The following CIAO1 variants were observed in gnomAD, a reference collection of about 807,000 sequenced individuals.
The protein encoded by CIAO1 is cytosolic iron-sulfur assembly component 1.
Under a neutral mutation model 43.1 loss-of-function variants are expected in CIAO1, and 32 were observed. The observed-to-expected ratio is 0.74, with a 90% CI of 0.56 to 1.00. CIAO1 has a LOEUF of 1.00. Among genes scored for constraint, CIAO1 ranks in the 50% least tolerant of loss-of-function variants. The probability of loss-of-function intolerance (pLI) is 0.00; values close to 1 mark genes in which losing one functional copy is unlikely to be tolerated. For synonymous variants in CIAO1, 183 were observed against 171.4 expected (o/e 1.07, Z -0.53); for missense variants, 415 against 437.4 (o/e 0.95, Z 0.46).
In CIAO1 at chr2:96,272,433, CTG is replaced by C. The variant is rs1045022698; in HGVS notation, c.*1085_*1086del. 1 of 152,252 alleles carries C rather than the reference CTG, an allele frequency of 6.6e-6. No homozygotes were observed. Among genetic ancestry groups the C allele is most frequent in the African/African-American group, 2.4e-5 (1 of 41,462 alleles). 9.4% of individuals were successfully genotyped at this position (152,252 alleles called of 1,614,324 possible). On this transcript the variant is annotated 3_prime_UTR_variant, in exon 7 of 7. Transcript: ENST00000488633. The stretch of plus-strand genomic sequence containing the variant: ...GGATCTGTGAGGTCAACTGTTGGCA[CTG>C]TGGCATGAATCAAGGTGGTGGCAGC...
intron 6 of CIAO1, among the ~76,000 whole-genome samples, chr2:96,270,152 T>G (rs568773233): frequency 5.4e-4 from 82 of 152,348 alleles, no homozygotes; most frequent in African/African-American, 1.9e-3. Flanking sequence ...AAAGTGAACT[T>G]AAGTAAATTA....
chr2:96,267,737 G>T lies in CIAO1; in HGVS notation c.400+1G>T. On this transcript the variant is annotated splice_donor_variant, in intron 3 of 6. Transcript: ENST00000488633. LOFTEE classifies it high-confidence loss of function. ...GATAAGAGCGTTTGGGTCTGGGAAG[G>T]TGAGGCCAGGTCCCTCCAGGTGGAT... 6.2e-7 allele frequency: 1 copy of T among 1,614,064 alleles called. No individual in the cohort carries two copies. The highest frequency in any genetic ancestry group is 8.5e-7 in the Non-Finnish European group (1 of 1,179,920).
chr2:96,267,221 G>A (rs1489917582), intron 1 of CIAO1, 100 bp from the exon 2 acceptor site: 1 of 1,248,402 alleles, frequency 8.0e-7, no homozygotes, highest in Non-Finnish European at 1.1e-6. Flanking sequence ...CACTCCCTGA[G>A]CTTTCCCCCA....
In CIAO1 at chr2:96,269,370, C is replaced by T; in HGVS notation, c.779+15C>T. 1.2e-6 allele frequency: 2 copies of T among 1,605,344 alleles called. No homozygotes were observed. Among genetic ancestry groups the T allele is most frequent in the Non-Finnish European group, 1.7e-6 (2 of 1,172,024 alleles). On this transcript the variant is annotated intron_variant, in intron 6 of 6. Coordinates refer to ENST00000488633, the MANE Select transcript of CIAO1 (RefSeq NM_004804.3). Reference sequence around the variant, plus strand: ...GACATTGCTTGGTAAGACTCCATCCCCCCACCCCATCCCATCCCCATAAAT... The same window carrying T: ...GACATTGCTTGGTAAGACTCCATCCTCCCACCCCATCCCATCCCCATAAAT...
Position 96,267,384 on chromosome 2 carries a change from C to T in CIAO1, c.203C>T (p.Ala68Val). 6.2e-7 allele frequency: 1 copy of T among 1,614,178 alleles called. No individual in the cohort carries two copies. The highest frequency in any genetic ancestry group is 8.5e-7 in the Non-Finnish European group (1 of 1,180,020). Residue 68 changes from alanine (A) to valine (V), a missense_variant, in exon 2 of 7, where the codon GCC (alanine) becomes GTC (valine). Coordinates refer to ENST00000488633, the MANE Select transcript of CIAO1 (RefSeq NM_004804.3). ...EGHQRTVRKV[A>V]WSPCGNYLAS... The stretch of plus-strand genomic sequence containing the variant: ...CACCAGCGCACCGTGCGGAAGGTAG[C>T]CTGGTCCCCCTGCGGTAATTACCTG...
intron 1 of CIAO1, 26 bp from the exon 2 acceptor site, chr2:96,267,295 G>A (rs1220304719): frequency 6.3e-7 from 1 of 1,599,154 alleles, no homozygotes; most frequent in Non-Finnish European, 8.5e-7. Context: ...CCCAGCTCCA[G>A]AGCCTGGCCT....
rs1684575331 is a variant in CIAO1, at chr2:96,272,641, TCTCTTCTAAAAATACAAAATTAG to T, written c.*1293_*1315del. The stretch of plus-strand genomic sequence containing the variant: ...GCCTGACCAACATGGAGAAACCCCG[TCTCTTCTAAAAATACAAAATTAG>T]CTGGGCATGGTGGTGCATGCCTGTA... On this transcript the variant is annotated 3_prime_UTR_variant, in exon 7 of 7. Coordinates refer to ENST00000488633, the MANE Select transcript of CIAO1 (RefSeq NM_004804.3). 6.6e-6 allele frequency: 1 copy of T among 151,992 alleles called. No homozygotes were observed. Among genetic ancestry groups the T allele is most frequent in the East Asian group, 1.9e-4 (1 of 5,180 alleles). 9.4% of individuals were successfully genotyped at this position (151,992 alleles called of 1,614,324 possible).
rs74673660 is a variant in CIAO1, at chr2:96,270,169, A to G, written c.779+814A>G. On this transcript the variant is annotated intron_variant, in intron 6 of 6. Transcript: ENST00000488633. ...AGTGAACTTAAGTAAATTATGGTAG[A>G]ACTCAGCTTGTTGTATCACTGTTTA... is the stretch of plus-strand genomic sequence containing the variant. Among the ~76,000 whole-genome samples, 26 of 152,342 alleles carry G rather than the reference A, an allele frequency of 1.7e-4. No homozygotes were observed. In the East Asian group the frequency reaches 5.0e-3, roughly 29 times the overall value.
chr2:96,268,337 A>G, intron 4 of CIAO1, 120 bp from the exon 5 acceptor site: 2 of 881,760 alleles, frequency 2.3e-6, no homozygotes, highest in South Asian at 1.6e-5. Context: ...GGGCAACAAC[A>G]GCAAACTTCA....
chr2:96,272,128 T>C lies in CIAO1; in HGVS notation c.*777T>C, dbSNP rs752979745. ...GTGTGTCTGTGATATTCCATTTTCATGGCAGGGAGTGATCAGGAAGAAGGC... is the reference window on the plus strand; with the variant it reads ...GTGTGTCTGTGATATTCCATTTTCACGGCAGGGAGTGATCAGGAAGAAGGC... On this transcript the variant is annotated 3_prime_UTR_variant, in exon 7 of 7. Coordinates refer to ENST00000488633, the MANE Select transcript of CIAO1 (RefSeq NM_004804.3). The C allele has an allele frequency of 6.6e-6, 1 of 152,190 alleles. No homozygotes were observed. Among genetic ancestry groups the C allele is most frequent in the Non-Finnish European group, 1.5e-5 (1 of 68,024 alleles). 9.4% of individuals were successfully genotyped at this position (152,190 alleles called of 1,614,324 possible). A position where few individuals can be genotyped will look rare whatever the true frequency, so the allele number is the denominator to read the frequency against.
rs1455643378 is a variant in CIAO1 at position 96,272,109 on chromosome 2, C to T, written c.*758C>T. On this transcript the variant is annotated 3_prime_UTR_variant, in exon 7 of 7. Coordinates refer to ENST00000488633, the MANE Select transcript of CIAO1 (RefSeq NM_004804.3). ...AAGGCCCACAGCACATATAGTGTGT[C>T]TGTGATATTCCATTTTCATGGCAGG... is the stretch of plus-strand genomic sequence containing the variant. The T allele has an allele frequency of 6.6e-6, 1 of 152,090 alleles. No homozygotes were observed. Among genetic ancestry groups the T allele is most frequent in the Admixed American group, 6.5e-5 (1 of 15,274 alleles). The allele number at this position is 152,090 out of a possible 1,614,324, so 9.4% of individuals were successfully genotyped here.
At chr2:96,269,870 C>A (rs997452656) in intron 6 of CIAO1, among the ~76,000 whole-genome samples, 2 of 152,074 alleles carry the variant, frequency 1.3e-5, no homozygotes, top group African/African-American at 2.4e-5. Context: ...TGGTCTCGAT[C>A]TCCTGACCTC....
In CIAO1 at chr2:96,266,385, C is replaced by T. The variant is rs974017610; in HGVS notation, c.35C>T (p.Pro12Leu). 3 of 1,514,796 alleles carry T rather than the reference C, an allele frequency of 2.0e-6. No homozygotes were observed. The highest frequency in any genetic ancestry group is 2.7e-6 in the Non-Finnish European group (3 of 1,123,960). 93.8% of individuals were successfully genotyped at this position (1,514,796 alleles called of 1,614,324 possible). ...KDSLVLLGRV[P>L]AHPDSRCWFL... The stretch of plus-strand genomic sequence containing the variant: ...TCGCTGGTGCTGCTGGGCCGTGTCC[C>T]GGCGCACCCGGACTCCCGCTGCTGG... Residue 12 changes from proline (P) to leucine (L), a missense_variant, in exon 1 of 7, where the codon CCG (proline) becomes CTG (leucine). Coordinates refer to ENST00000488633, the MANE Select transcript of CIAO1 (RefSeq NM_004804.3).
chr2:96,270,383 A>AG (rs1684525297), intron 6 of CIAO1, among the ~76,000 whole-genome samples: 2 of 152,090 alleles, frequency 1.3e-5, no homozygotes, highest in Non-Finnish European at 1.5e-5. Context: ...CACGCACCCA[A>AG]TCCCAGCTAC....
Position 96,266,356 on chromosome 2 carries a change from G to A in CIAO1, c.6G>A (p.Lys2=). 8 of 1,457,374 alleles carry A rather than the reference G, an allele frequency of 5.5e-6. No individual in the cohort carries two copies. Among genetic ancestry groups the A allele is most frequent in the Non-Finnish European group, 7.3e-6 (8 of 1,090,942 alleles). 90.3% of individuals were successfully genotyped at this position (1,457,374 alleles called of 1,614,324 possible). A position where few individuals can be genotyped will look rare whatever the true frequency, so the allele number is the denominator to read the frequency against. The stretch of plus-strand genomic sequence containing the variant: ...TCCCCCTGCGTCGGGCCGACATGAA[G>A]GACTCGCTGGTGCTGCTGGGCCGTG... M[K]DSLVLLGRVP... Residue 2 remains lysine (K), a synonymous_variant, in exon 1 of 7, where the codon AAG becomes AAA. Coordinates refer to ENST00000488633, the MANE Select transcript of CIAO1 (RefSeq NM_004804.3).
intron 6 of CIAO1, among the ~76,000 whole-genome samples, chr2:96,269,696 G>A (rs941081503): frequency 6.6e-6 from 1 of 152,116 alleles, no homozygotes; most frequent in Admixed American, 6.5e-5. Flanking sequence ...AGCCCAGGCT[G>A]GAGTGCGGTG....
chr2:96,268,633 T>C lies in CIAO1; in HGVS notation c.666T>C (p.Arg222=), dbSNP rs1373133213. The C allele has an allele frequency of 1.2e-6, 2 of 1,614,160 alleles. No homozygotes were observed. Among genetic ancestry groups the C allele is most frequent in the Non-Finnish European group, 1.7e-6 (2 of 1,180,028 alleles). ...CSDDRTVRIW[R]QYLPGNEQGV... ...ATGACCGTACTGTGCGTATCTGGCG[T>C]CAGTATCTACCAGGCAATGAACAAG... The change falls in exon 5 of 7, where the codon CGT becomes CGC. Residue 222 remains arginine, a synonymous_variant. Transcript: ENST00000488633.
Position 96,269,024 on chromosome 2 carries a change from C to T in CIAO1, c.692-244C>T, listed in dbSNP as rs1438377825. The T allele has an allele frequency of 1.4e-5, 8 of 588,198 alleles. No homozygotes were observed. In the East Asian group the frequency reaches 2.3e-4, roughly 17 times the overall value. 36.4% of individuals were successfully genotyped at this position (588,198 alleles called of 1,614,324 possible). A position where few individuals can be genotyped will look rare whatever the true frequency, so the allele number is the denominator to read the frequency against. ...TGGGTTGGGTCGGCTGGTGGGTGGC[C>T]TTCACAGGCACGCAAAGTAGTTACA... On this transcript the variant is annotated intron_variant, in intron 5 of 6. Transcript: ENST00000488633.
At chr2:96,268,770 A>G in intron 5 of CIAO1, 112 bp downstream of exon 5, 1 of 1,032,338 alleles carries the variant, frequency 9.7e-7, no homozygotes, top group South Asian at 1.5e-5. Context: ...ATGTGCTACA[A>G]GAGGGCTCTG....
Sources: allele counts gnomAD v4.1 joint callset (sites outside exome capture counted in the v4.1 genomes callset), GRCh38; gene constraint gnomAD v4.1.1; transcripts MANE v1.5; gene names NCBI Gene and HGNC (gene_info 2026-07-23, HGNC 2026-07-21).